Variants in ARHGAP44 observed in about 807,000 individuals in gnomAD.
ARHGAP44 encodes the protein rho GTPase-activating protein 44.
In ARHGAP44, 43 loss-of-function variants were observed where a neutral mutation model predicts 106.8. The ratio of observed to expected loss-of-function variants is 0.40; its 90% confidence interval spans 0.32 to 0.52. ARHGAP44 has a LOEUF of 0.52. Ranked by LOEUF, ARHGAP44 falls within the 20% of genes least tolerant of loss-of-function variation. ARHGAP44 has a pLI of 0.48. For missense variants in ARHGAP44, 866 were observed against 1,050.5 expected, an observed-to-expected ratio of 0.82 and a Z score of 2.43; for synonymous variants, 439 against 410.3, an observed-to-expected ratio of 1.07 and a Z score of -0.85.
rs1025185991 is a variant in ARHGAP44, at chr17:12,956,656, A to T, written c.1252A>T (p.Asn418Tyr). ...PNLLWPQAEG[N>Y]ITEMMTTVSL... ...TTTGCCTCTGCTCTCTGCTTACAGG[A>T]ACATTACAGAGATGATGACCACAGT... The change falls in exon 15 of 21, where the codon AAC becomes TAC. Residue 418 changes from asparagine to tyrosine, a missense_variant and splice_region_variant. By Grantham distance (143) the Asn-to-Tyr change is moderately radical (BLOSUM62 -2). Around this residue, in one of 2 missense-constraint regions of ARHGAP44, gnomAD observed 448 missense variants for 646.9 expected, o/e 0.69. Coordinates refer to ENST00000379672, the MANE Select transcript of ARHGAP44 (RefSeq NM_014859.6). The T allele has an allele frequency of 1.2e-6, 2 of 1,613,734 alleles. No individual in the cohort carries two copies. Among genetic ancestry groups the T allele is most frequent in the Non-Finnish European group, 1.7e-6 (2 of 1,179,704 alleles).
intron 1 of ARHGAP44, among the ~76,000 whole-genome samples, chr17:12,888,622 T>C (rs2036951130): frequency 1.3e-5 from 2 of 152,200 alleles, no homozygotes; most frequent in Admixed American, 1.3e-4. Flanking sequence ...GGAGGTGTTG[T>C]GTTTTTTATA....
chr17:12,845,516 A>AAAAAAACAAAAAC, intron 1 of ARHGAP44, among the ~76,000 whole-genome samples: 1 of 142,538 alleles, frequency 7.0e-6, no homozygotes, highest in Non-Finnish European at 1.5e-5. Flanking sequence ...CAAAAAAAAA[A>AAAAAAACAAAAAC]AAAAAACAAA....
At chr17:12,978,670 TTTTTTTTCTTTTCTTTTTTCTTTTTTC>T in intron 18 of ARHGAP44, among the ~76,000 whole-genome samples, 1 of 146,388 alleles carries the variant, frequency 6.8e-6, no homozygotes, top group African/African-American at 2.5e-5. Flanking sequence ...TGCCTGCCTT[TTTTTTTTCTTTTCTTTTTTCTTTTTTC>T]TTTTTTTTTT....
chr17:12,950,431 G>T (rs2038965477), intron 12 of ARHGAP44, among the ~76,000 whole-genome samples: 1 of 152,214 alleles, frequency 6.6e-6, no homozygotes, highest in Admixed American at 6.5e-5. Context: ...GGCTGTAGCA[G>T]TGTGTCGGGA....
intron 6 of ARHGAP44, among the ~76,000 whole-genome samples, chr17:12,926,848 A>G (rs2038262075): frequency 6.6e-6 from 1 of 152,060 alleles, no homozygotes; most frequent in South Asian, 2.1e-4. Flanking sequence ...TTCAGGTAGC[A>G]TGAGTCAGAT....
intron 5 of ARHGAP44, among the ~76,000 whole-genome samples, chr17:12,918,972 A>G (rs1191972847): frequency 6.6e-6 from 1 of 152,240 alleles, no homozygotes; most frequent in African/African-American, 2.4e-5. Context: ...AGTTTAGCTC[A>G]GGAAAGGGCA....
rs765644123 is a variant in ARHGAP44, at chr17:12,987,058, G to A, written c.2317+2150G>A. 2.8e-5 allele frequency: 39 copies of A among 1,403,220 alleles called. No homozygotes were observed. The East Asian group carries it at 3.2e-4, about 12-fold the overall frequency. The allele number at this position is 1,403,220 out of a possible 1,614,324, so 86.9% of individuals were successfully genotyped here. Reference sequence around the variant, plus strand: ...TTTTTTGTGACGTTCATGTTTTGTCGTGTTGATTCCTTTCTCCGAATCCTA... The same window carrying A: ...TTTTTTGTGACGTTCATGTTTTGTCATGTTGATTCCTTTCTCCGAATCCTA... On this transcript the variant is annotated intron_variant, in intron 20 of 20. Transcript: ENST00000379672.
At chr17:12,900,811 C>T (rs954345693) in intron 3 of ARHGAP44, among the ~76,000 whole-genome samples, 3 of 151,274 alleles carry the variant, frequency 2.0e-5, no homozygotes, top group African/African-American at 4.9e-5. Flanking sequence ...AGGAAGTGGC[C>T]GTTAAGGACA....
intron 7 of ARHGAP44, chr17:12,929,394 G>A (rs1474080443): frequency 5.7e-6 from 1 of 176,888 alleles, no homozygotes; most frequent in Non-Finnish European, 1.2e-5. Context: ...CCATAGATGA[G>A]CCTTGACTCA....
At chr17:12,826,382 C>G (rs1353764176) in intron 1 of ARHGAP44, among the ~76,000 whole-genome samples, 1 of 152,172 alleles carries the variant, frequency 6.6e-6, no homozygotes, top group Non-Finnish European at 1.5e-5. Flanking sequence ...CATAAAAAAG[C>G]CTTGTCAGCC....
At chr17:12,970,197 C>T (rs2039489964) in intron 16 of ARHGAP44, among the ~76,000 whole-genome samples, 1 of 148,530 alleles carries the variant, frequency 6.7e-6, no homozygotes, top group African/African-American at 2.5e-5. Context: ...TGAAACTCAT[C>T]TCTAAAAAAA....
chr17:12,916,603 T>G (rs2037923212), intron 5 of ARHGAP44, among the ~76,000 whole-genome samples: 1 of 152,230 alleles, frequency 6.6e-6, no homozygotes, highest in African/African-American at 2.4e-5. Flanking sequence ...CAGGCTGGTC[T>G]CGAACTCCTG....
rs115261606 is a variant in ARHGAP44, at chr17:12,891,094, A to G, written c.54-3846A>G. On this transcript the variant is annotated intron_variant, in intron 1 of 20. Coordinates refer to ENST00000379672, the MANE Select transcript of ARHGAP44 (RefSeq NM_014859.6). ...ATCATTAATATCTAAGTAACCTCTA[A>G]GAAGTTTTACCCTTCATACAGCTCT... Among the ~76,000 whole-genome samples, 594 of 152,270 alleles carry G rather than the reference A, an allele frequency of 3.9e-3. 3 individuals are homozygous for G. The highest frequency in any genetic ancestry group is 0.013 in the African/African-American group (539 of 41,554).
intron 3 of ARHGAP44, among the ~76,000 whole-genome samples, chr17:12,901,701 CAT>C (rs1377606480): frequency 6.6e-6 from 1 of 152,046 alleles, no homozygotes; most frequent in Admixed American, 6.6e-5. Context: ...GGTGAGAAGA[CAT>C]ATGGCTTTTG....
At position 12,908,918 on chromosome 17, in the gene ARHGAP44, C is replaced by G. The variant is rs1191999506; in HGVS notation, c.220C>G (p.Leu74Val). The change falls in exon 4 of 21, where the codon CTG becomes GTG. Residue 74 changes from leucine (L) to valine (V), a missense_variant. Transcript: ENST00000379672. The stretch of plus-strand genomic sequence containing the variant: ...TCAGAAAAAGTTGCCTTTGACAACA[C>G]TGGCTCAGTGTCTGATGGAGGGGTC... ...KRSKKLPLTT[L>V]AQCLMEGSAI... 2 of 1,605,784 alleles carry G rather than the reference C, an allele frequency of 1.2e-6. No individual in the cohort carries two copies. The highest frequency in any genetic ancestry group is 2.7e-5 in the African/African-American group (2 of 74,462).
chr17:12,975,084 A>C (rs1342899531), intron 18 of ARHGAP44, among the ~76,000 whole-genome samples: 1 of 152,072 alleles, frequency 6.6e-6, no homozygotes, highest in Non-Finnish European at 1.5e-5. Flanking sequence ...TCCTGACTTT[A>C]AGTGATCCAC....
intron 10 of ARHGAP44, among the ~76,000 whole-genome samples, chr17:12,948,927 A>G (rs1389049072): frequency 6.6e-6 from 1 of 152,200 alleles, no homozygotes; most frequent in Admixed American, 6.5e-5. Flanking sequence ...GGCTGTGGGG[A>G]CACAACAGTG....
chr17:12,964,494 C>T (rs575253025), intron 16 of ARHGAP44, among the ~76,000 whole-genome samples: 47 of 152,214 alleles, frequency 3.1e-4, no homozygotes, highest in African/African-American at 1.1e-3. Flanking sequence ...AGAATAGAAG[C>T]GACAGGCTGG....
intron 1 of ARHGAP44, among the ~76,000 whole-genome samples, chr17:12,882,297 T>A (rs1353014728): frequency 6.6e-6 from 1 of 152,178 alleles, no homozygotes; most frequent in African/African-American, 2.4e-5. Flanking sequence ...TATATTAATT[T>A]TGTTATATTG....
Sources: gnomAD v4.1 joint callset for allele counts (sites outside exome capture counted in the v4.1 genomes callset) on GRCh38, gnomAD v4.1.1 for gene constraint, gnomAD v4.1.1 regional missense constraint, MANE v1.5 for transcripts, NCBI Gene and HGNC (gene_info 2026-07-23, HGNC 2026-07-21) for gene names.